IQSEC3: variants seen among roughly 807,000 people sequenced by gnomAD.
IQSEC3 encodes IQ motif and Sec7 domain ArfGEF 3, also known as IQ motif and SEC7 domain-containing protein 3.
In IQSEC3, 50 loss-of-function variants were observed where a neutral mutation model predicts 105.4. The observed-to-expected ratio is 0.47, with a 90% CI of 0.38 to 0.60. The LOEUF (loss-of-function observed/expected upper bound fraction) is 0.60. Among genes scored for constraint, IQSEC3 ranks in the 20% least tolerant of loss-of-function variants. The pLI is 0.00. For missense variants in IQSEC3, 1,415 were observed against 1,630.0 expected, an observed-to-expected ratio of 0.87 and a Z score of 2.27; for synonymous variants, 708 against 746.0, an observed-to-expected ratio of 0.95 and a Z score of 0.83.
intron 3 of IQSEC3, among the ~76,000 whole-genome samples, chr12:127,080 T>C (rs1450218347): frequency 5.9e-5 from 9 of 152,136 alleles, no homozygotes; most frequent in African/African-American, 2.2e-4. Flanking sequence ...TCAAAAAAAA[T>C]CCCAGGGAGT....
rs147516677 is a variant in IQSEC3, at chr12:150,165, C to T, written c.2154-6860C>T. ...GGAGAAGCAGCAGGGCCATGGCCCA[C>T]GTGGGAGGGAGCCAGGCAGCCAGCG... is the stretch of plus-strand genomic sequence containing the variant. On this transcript the variant is annotated intron_variant, in intron 5 of 13. Coordinates refer to ENST00000538872, the MANE Select transcript of IQSEC3 (RefSeq NM_001170738.2). 4.0e-3 allele frequency among the ~76,000 whole-genome samples: 611 copies of T among 152,148 alleles called. 3 individuals are homozygous for T. The highest frequency in any genetic ancestry group is 5.1e-3 in the African/African-American group (211 of 41,480).
intron 1 of IQSEC3, among the ~76,000 whole-genome samples, chr12:74,264 G>A (rs1398451752): frequency 2.0e-5 from 3 of 152,268 alleles, no homozygotes; most frequent in African/African-American, 7.2e-5. Flanking sequence ...AGGTCAGAAA[G>A]CTGAAAAGAA....
At chr12:153,288 C>T (rs139235251) in intron 5 of IQSEC3, among the ~76,000 whole-genome samples, 216 of 152,212 alleles carry the variant, frequency 1.4e-3, no homozygotes, top group Middle Eastern at 0.014. Flanking sequence ...CCATCAGGAA[C>T]GCAAACAGTG....
rs1353755612 is a variant in IQSEC3 at position 125,871 on chromosome 12, G to A, written c.862G>A (p.Ala288Thr). 40 of 1,533,588 alleles carry A rather than the reference G, an allele frequency of 2.6e-5. No homozygotes were observed. Among genetic ancestry groups the A allele is most frequent in the South Asian group, 6.0e-5 (5 of 84,014 alleles). The allele number at this position is 1,533,588 out of a possible 1,614,324, so 95.0% of individuals were successfully genotyped here. A position where few individuals can be genotyped will look rare whatever the true frequency, so the allele number is the denominator to read the frequency against. The change falls in exon 3 of 14, where the codon GCC (alanine) becomes ACC (threonine). Residue 288 changes from alanine (A) to threonine (T), a missense_variant. Around this residue, in one of 6 missense-constraint regions of IQSEC3, gnomAD observed 720 missense variants for 633.0 expected, o/e 1.14. Transcript: ENST00000538872. ...ATALCPHAPA[A>T]SDYELSLDLK... is the part of the protein sequence containing the mutation. The stretch of plus-strand genomic sequence containing the variant: ...GGCGCTGTGCCCCCACGCCCCTGCC[G>A]CCTCCGATTACGAACTCTCCCTTGA...
chr12:69,231 C>T (rs1863213377), intron 1 of IQSEC3, among the ~76,000 whole-genome samples: 1 of 152,268 alleles, frequency 6.6e-6, no homozygotes, highest in Non-Finnish European at 1.5e-5. Flanking sequence ...CTCTTCAGGG[C>T]ACTGTGTGGC....
chr12:121,044 C>A (rs1173359948), intron 2 of IQSEC3, among the ~76,000 whole-genome samples: 2 of 152,204 alleles, frequency 1.3e-5, no homozygotes, highest in Non-Finnish European at 2.9e-5. Flanking sequence ...CCCCAGGACC[C>A]CCCTCCAGTG....
chr12:84,630 C>T (rs570103361), intron 1 of IQSEC3, among the ~76,000 whole-genome samples: 9 of 152,214 alleles, frequency 5.9e-5, no homozygotes, highest in Admixed American at 2.0e-4. Context: ...CCAAGAGGTA[C>T]GGGTGTATGT....
At chr12:174,542 A>G in intron 13 of IQSEC3, 57 bp from the exon 14 acceptor site, 1 of 1,450,318 alleles carries the variant, frequency 6.9e-7, no homozygotes, top group Non-Finnish European at 9.1e-7. Context: ...AGCCTGTCCT[A>G]GCAGCTGGGA....
intron 4 of IQSEC3, chr12:140,789 G>A (rs761607496): frequency 3.1e-5 from 8 of 260,300 alleles, no homozygotes; most frequent in African/African-American, 4.4e-5. Context: ...GGGTTGGGGC[G>A]TCTGCGGTGG....
At chr12:154,221 G>C (rs1866605755) in intron 5 of IQSEC3, among the ~76,000 whole-genome samples, 1 of 152,216 alleles carries the variant, frequency 6.6e-6, no homozygotes, top group Admixed American at 6.5e-5. Flanking sequence ...CAGCAGACTT[G>C]AGTGAGTGAA....
chr12:157,840 C>T (rs1866748019), intron 7 of IQSEC3, 146 bp downstream of exon 7: 2 of 943,540 alleles, frequency 2.1e-6, no homozygotes, highest in Non-Finnish European at 3.1e-6. Context: ...TGGGAACATT[C>T]CTTGTGAGCC....
At chr12:171,538 C>T in intron 13 of IQSEC3, 1 of 596,628 alleles carries the variant, frequency 1.7e-6, no homozygotes, top group African/African-American at 1.9e-5. Flanking sequence ...ATCAGAAGAC[C>T]CCACATCCCG....
chr12:80,183 G>A (rs1863696779), intron 1 of IQSEC3, among the ~76,000 whole-genome samples: 2 of 152,312 alleles, frequency 1.3e-5, no homozygotes, highest in East Asian at 1.9e-4. Flanking sequence ...TCTGGCTGAC[G>A]TGCTGCTGCA....
intron 2 of IQSEC3, among the ~76,000 whole-genome samples, chr12:113,119 T>C (rs781827304): frequency 2.6e-5 from 4 of 152,134 alleles, no homozygotes; most frequent in Admixed American, 2.0e-4. Flanking sequence ...CCCTCCATGC[T>C]GGCAGCTCTT....
intron 5 of IQSEC3, among the ~76,000 whole-genome samples, chr12:147,222 T>C (rs1046790811): frequency 2.0e-5 from 3 of 152,156 alleles, no homozygotes; most frequent in Non-Finnish European, 2.9e-5. Flanking sequence ...GGGGTGTCAC[T>C]GTCTCCAGGG....
At chr12:75,691 A>C (rs1313279194) in intron 1 of IQSEC3, among the ~76,000 whole-genome samples, 2 of 152,294 alleles carry the variant, frequency 1.3e-5, no homozygotes, top group East Asian at 3.9e-4. Flanking sequence ...CAAACTCAAC[A>C]CCTAGAAGGT....
intron 2 of IQSEC3, among the ~76,000 whole-genome samples, chr12:99,497 G>A (rs181892826): frequency 6.6e-6 from 1 of 152,336 alleles, no homozygotes; most frequent in African/African-American, 2.4e-5. Flanking sequence ...TTTGTAAGCA[G>A]CCGGGAAAGT....
At position 110,480 on chromosome 12, in the gene IQSEC3, C is replaced by G. The variant is rs558200638; in HGVS notation, c.623+11266C>G. Among the ~76,000 whole-genome samples the G allele has an allele frequency of 1.1e-4, 17 of 151,822 alleles. 1 individual carries two copies. The South Asian group carries it at 2.5e-3, about 22-fold the overall frequency. The stretch of plus-strand genomic sequence containing the variant: ...GTTCTAAGAGTGGACTTTTTAATCC[C>G]TTTAATTATTAGTTCCCTTGGGTCC... On this transcript the variant is annotated intron_variant, in intron 2 of 13. Transcript: ENST00000538872.
rs540671010 is a variant in IQSEC3 at position 175,081 on chromosome 12, G to T, written c.*48G>T. On this transcript the variant is annotated 3_prime_UTR_variant, in exon 14 of 14. Coordinates refer to ENST00000538872, the MANE Select transcript of IQSEC3 (RefSeq NM_001170738.2). The stretch of plus-strand genomic sequence containing the variant: ...TCCTGGGAGGGCTGGCCACTGGGGG[G>T]CCTGGGCTGCCCCTCCACTGCTCCC... 5.8e-6 allele frequency: 8 copies of T among 1,390,970 alleles called. No individual in the cohort carries two copies. Among genetic ancestry groups the T allele is most frequent in the South Asian group, 4.4e-5 (3 of 68,660 alleles). 86.2% of individuals were successfully genotyped at this position (1,390,970 alleles called of 1,614,324 possible). A position where few individuals can be genotyped will look rare whatever the true frequency, so the allele number is the denominator to read the frequency against.
Sources: allele counts gnomAD v4.1 joint callset (sites outside exome capture counted in the v4.1 genomes callset), GRCh38; gene constraint gnomAD v4.1.1; regional missense constraint gnomAD v4.1.1; transcripts MANE v1.5; gene names NCBI Gene and HGNC (gene_info 2026-07-23, HGNC 2026-07-21).